AGBL4: variants seen among roughly 807,000 people sequenced by gnomAD.
AGBL4 encodes cytosolic carboxypeptidase 6.
AGBL4 carries 58 observed loss-of-function variants against 66.4 expected under a neutral mutation model. The ratio of observed to expected loss-of-function variants is 0.87; its 90% CI spans 0.71 to 1.09. The LOEUF (loss-of-function observed/expected upper bound fraction) is 1.09. Ranked by LOEUF, AGBL4 falls within the 50% of genes least tolerant of loss-of-function variation. The pLI is 0.00. For synonymous variants in AGBL4, 234 were observed against 222.9 expected (o/e 1.05, Z -0.44); for missense variants, 579 against 631.0 (o/e 0.92, Z 0.88).
intron 3 of AGBL4, among the ~76,000 whole-genome samples, chr1:49,310,620 G>A (rs959686837): frequency 6.6e-6 from 1 of 151,992 alleles, no homozygotes; most frequent in African/African-American, 2.4e-5. Context: ...AAGATACATG[G>A]AATTTGATTA....
At chr1:48,618,617 C>T (rs1187411853) in intron 9 of AGBL4, among the ~76,000 whole-genome samples, 1 of 152,172 alleles carries the variant, frequency 6.6e-6, no homozygotes, top group Admixed American at 6.5e-5. Flanking sequence ...ATTATTAATC[C>T]AAGGTCAAAA....
intron 3 of AGBL4, among the ~76,000 whole-genome samples, chr1:49,256,852 T>C (rs967592062): frequency 6.6e-6 from 1 of 152,158 alleles, no homozygotes; most frequent in Non-Finnish European, 1.5e-5. Flanking sequence ...TTAAAAACAA[T>C]ATCGTAGATC....
Position 48,587,180 on chromosome 1 carries a change from A to C in AGBL4, c.1105-14T>G. 2 of 1,534,922 alleles carry C rather than the reference A, an allele frequency of 1.3e-6. No individual in the cohort carries two copies. Among genetic ancestry groups the C allele is most frequent in the Non-Finnish European group, 1.8e-6 (2 of 1,137,614 alleles). On this transcript the variant is annotated splice_polypyrimidine_tract_variant and intron_variant, in intron 10 of 13. Coordinates refer to ENST00000371839, the MANE Select transcript of AGBL4 (RefSeq NM_032785.4). ...GGATGTGCTGGACTGTGAAAGACAG[A>C]GTAGGGAGGAGAGAATCACGGCACC...
At chr1:48,826,307 C>A (rs1646425834) in intron 6 of AGBL4, among the ~76,000 whole-genome samples, 1 of 152,094 alleles carries the variant, frequency 6.6e-6, no homozygotes, top group Non-Finnish European at 1.5e-5. Context: ...GATAATTAAA[C>A]AAAATAAAAG....
intron 2 of AGBL4, among the ~76,000 whole-genome samples, chr1:49,730,923 C>A (rs569129596): frequency 6.6e-6 from 1 of 152,312 alleles, no homozygotes; most frequent in East Asian, 1.9e-4. Context: ...GGTAAGTATA[C>A]TGAATATCTT....
intron 6 of AGBL4, among the ~76,000 whole-genome samples, chr1:48,677,169 G>A (rs57671051): frequency 0.16 from 23,746 of 152,114 alleles, 4,635 homozygotes; most frequent in African/African-American, 0.46. Context: ...GTAGACAAGA[G>A]AACATGCCTA....
intron 5 of AGBL4, among the ~76,000 whole-genome samples, chr1:49,041,635 T>C (rs1643944174): frequency 6.6e-6 from 1 of 152,154 alleles, no homozygotes; most frequent in Non-Finnish European, 1.5e-5. Context: ...TCAGATTATT[T>C]ACCCCCAAAC....
intron 6 of AGBL4, among the ~76,000 whole-genome samples, chr1:48,832,719 A>G (rs1424923561): frequency 2.0e-5 from 3 of 152,180 alleles, no homozygotes; most frequent in Non-Finnish European, 4.4e-5. Context: ...TAATAGACTA[A>G]GTAAAGTAGA....
rs181462785 is a variant in AGBL4 at position 49,458,914 on chromosome 1, T to C, written c.283-213050A>G. Among the ~76,000 whole-genome samples the C allele has an allele frequency of 9.3e-4, 142 of 152,014 alleles. 2 individuals are homozygous for C. Among genetic ancestry groups the C allele is most frequent in the African/African-American group, 3.3e-3 (137 of 41,516 alleles). On this transcript the variant is annotated intron_variant, in intron 3 of 13. Transcript: ENST00000371839. ...CCTGCATCCCTGGTATGAAAGCCAC[T>C]TGATCATGGAGGATTATCTTTTTGT... is the stretch of plus-strand genomic sequence containing the variant.
At chr1:49,618,536 G>A (rs1166877687) in intron 3 of AGBL4, among the ~76,000 whole-genome samples, 6 of 152,102 alleles carry the variant, frequency 3.9e-5, no homozygotes, top group Non-Finnish European at 8.8e-5. Flanking sequence ...TCTACCAGAG[G>A]TACAAAGAGG....
intron 5 of AGBL4, among the ~76,000 whole-genome samples, chr1:48,934,449 C>G (rs1242303967): frequency 1.3e-5 from 2 of 152,154 alleles, no homozygotes. Context: ...TATTACATGT[C>G]CACTTTAGAC....
intron 4 of AGBL4, among the ~76,000 whole-genome samples, chr1:49,094,863 G>T (rs955030738): frequency 6.6e-6 from 1 of 152,076 alleles, no homozygotes; most frequent in Non-Finnish European, 1.5e-5. Context: ...GAAATAAAGG[G>T]TATTCAGTTA....
intron 3 of AGBL4, among the ~76,000 whole-genome samples, chr1:49,356,087 T>C (rs1411815890): frequency 6.6e-6 from 1 of 152,154 alleles, no homozygotes; most frequent in East Asian, 1.9e-4. Flanking sequence ...ATATTTTGAT[T>C]CTATAAAAGA....
intron 6 of AGBL4, among the ~76,000 whole-genome samples, chr1:48,797,286 T>C (rs1231793801): frequency 6.6e-6 from 1 of 152,234 alleles, no homozygotes; most frequent in African/African-American, 2.4e-5. Context: ...ATAAGTTCTT[T>C]AGTGGTGATT....
intron 11 of AGBL4, among the ~76,000 whole-genome samples, chr1:48,571,755 C>T (rs535302386): frequency 5.3e-5 from 8 of 152,178 alleles, no homozygotes; most frequent in Non-Finnish European, 1.0e-4. Flanking sequence ...ACACATCCAC[C>T]AGGATGTCAT....
chr1:48,916,537 G>T (rs74520124), intron 5 of AGBL4, among the ~76,000 whole-genome samples: 12 of 150,150 alleles, frequency 8.0e-5, no homozygotes, highest in African/African-American at 1.5e-4. Flanking sequence ...TCCGTTTTTT[G>T]TGTGTGTGTG....
intron 6 of AGBL4, among the ~76,000 whole-genome samples, chr1:48,850,634 C>T (rs774499454): frequency 2.6e-5 from 4 of 152,170 alleles, no homozygotes; most frequent in Admixed American, 1.3e-4. Context: ...AGGTGATCCT[C>T]CCACACCAAC....
intron 2 of AGBL4, among the ~76,000 whole-genome samples, chr1:49,750,670 T>C (rs1651382982): frequency 6.6e-6 from 1 of 152,242 alleles, no homozygotes; most frequent in Non-Finnish European, 1.5e-5. Flanking sequence ...ATCTATAAAT[T>C]ACTTTGGGCA....
chr1:48,757,583 T>A (rs1206213256), intron 6 of AGBL4, among the ~76,000 whole-genome samples: 1 of 152,204 alleles, frequency 6.6e-6, no homozygotes, highest in Non-Finnish European at 1.5e-5. Flanking sequence ...CAATGTCATT[T>A]CCTTTTCTAT....
Sources: gnomAD v4.1 joint callset for allele counts (sites outside exome capture counted in the v4.1 genomes callset) on GRCh38, gnomAD v4.1.1 for gene constraint, MANE v1.5 for transcripts, NCBI Gene and HGNC (gene_info 2026-07-23, HGNC 2026-07-21) for gene names.